Variants in LDLRAD3 observed in about 807,000 individuals in gnomAD.
The protein encoded by LDLRAD3 is low density lipoprotein receptor class A domain containing 3.
LDLRAD3 carries 20 observed loss-of-function variants against 29.4 expected under a neutral mutation model. The ratio of observed to expected loss-of-function variants is 0.68; its 90% CI spans 0.48 to 0.99. The LOEUF (loss-of-function observed/expected upper bound fraction) is 0.99, where lower values mean the gene tolerates loss of function less well. LDLRAD3 is among the 50% of genes least tolerant of loss of function. The pLI is 0.00. For synonymous variants in LDLRAD3, 157 were observed against 192.7 expected, an observed-to-expected ratio of 0.81 and a Z score of 1.53; for missense variants, 420 against 454.3, an observed-to-expected ratio of 0.92 and a Z score of 0.69.
intron 2 of LDLRAD3, among the ~76,000 whole-genome samples, chr11:36,074,095 C>T (rs534708938): frequency 1.2e-4 from 18 of 152,298 alleles, no homozygotes; most frequent in East Asian, 9.6e-4. Context: ...CCATGTTCTC[C>T]GGCCTCACTC....
rs1278218201 is a variant in LDLRAD3 at position 36,098,215 on chromosome 11, A to C, written c.320-112A>C. ...TGGGCTTTGAGTCTGCCAGCTTAGA[A>C]GATAAGCTTACTGCTTCCTGAGCGG... On this transcript the variant is annotated intron_variant, in intron 3 of 5. Transcript: ENST00000315571. The C allele has an allele frequency of 4.6e-6, 6 of 1,293,250 alleles. No homozygotes were observed. The Admixed American group carries it at 1.2e-4, about 25-fold the overall frequency. 80.1% of individuals were successfully genotyped at this position (1,293,250 alleles called of 1,614,324 possible).
chr11:35,984,233 G>A (rs1051224821), intron 1 of LDLRAD3, among the ~76,000 whole-genome samples: 1 of 152,092 alleles, frequency 6.6e-6, no homozygotes, highest in Non-Finnish European at 1.5e-5. Flanking sequence ...CAGTGTTTAT[G>A]TTTATGGGGA....
intron 4 of LDLRAD3, among the ~76,000 whole-genome samples, chr11:36,192,248 G>A (rs184290808): frequency 3.9e-5 from 6 of 152,288 alleles, no homozygotes; most frequent in African/African-American, 9.6e-5. Context: ...CACTTTAAAC[G>A]TGAGCTATCA....
chr11:36,053,272 T>C (rs1852555284), intron 2 of LDLRAD3, among the ~76,000 whole-genome samples: 1 of 152,166 alleles, frequency 6.6e-6, no homozygotes, highest in Non-Finnish European at 1.5e-5. Flanking sequence ...CATTTTGACA[T>C]CTGTGATTCC....
intron 1 of LDLRAD3, among the ~76,000 whole-genome samples, chr11:35,993,563 C>T (rs1232674240): frequency 2.0e-5 from 3 of 150,262 alleles, no homozygotes; most frequent in Admixed American, 6.7e-5. Context: ...AAAAGACATA[C>T]AAGTCATTAG....
intron 4 of LDLRAD3, among the ~76,000 whole-genome samples, chr11:36,208,598 T>A (rs1007616611): frequency 2.6e-5 from 4 of 152,248 alleles, no homozygotes; most frequent in Non-Finnish European, 5.9e-5. Context: ...GCAGTACTTG[T>A]ATTTTGGAGG....
At chr11:36,216,274 G>T (rs1855351866) in intron 4 of LDLRAD3, among the ~76,000 whole-genome samples, 2 of 152,186 alleles carry the variant, frequency 1.3e-5, no homozygotes, top group Non-Finnish European at 2.9e-5. Flanking sequence ...TTTGTGAGAA[G>T]ATATCTTCTA....
At chr11:36,008,249 A>G (rs969440491) in intron 1 of LDLRAD3, among the ~76,000 whole-genome samples, 14 of 152,076 alleles carry the variant, frequency 9.2e-5, no homozygotes, top group African/African-American at 3.4e-4. Context: ...AAAATCCTAT[A>G]TTTTTTCAAA....
chr11:36,076,834 C>G (rs1454721550), intron 2 of LDLRAD3, among the ~76,000 whole-genome samples: 1 of 152,102 alleles, frequency 6.6e-6, no homozygotes, highest in Non-Finnish European at 1.5e-5. Flanking sequence ...AACTAGTGTA[C>G]AGTATTGTAG....
Position 36,030,932 on chromosome 11 carries a change from T to C in LDLRAD3, c.47-5171T>C, listed in dbSNP as rs139251561. 9.2e-4 allele frequency among the ~76,000 whole-genome samples: 140 copies of C among 152,260 alleles called. 1 individual carries two copies. The highest frequency in any genetic ancestry group is 3.2e-3 in the African/African-American group (131 of 41,542). ...CACTAACTGCATGTTCTGGAGTAAT[T>C]TGAGTGGAATGCAGCAGCTGTCTGA... On this transcript the variant is annotated intron_variant, in intron 1 of 5. Coordinates refer to ENST00000315571, the MANE Select transcript of LDLRAD3 (RefSeq NM_174902.4).
At chr11:36,118,519 G>GAA (rs1426159668) in intron 4 of LDLRAD3, among the ~76,000 whole-genome samples, 1 of 151,454 alleles carries the variant, frequency 6.6e-6, no homozygotes, top group Admixed American at 6.6e-5. Flanking sequence ...GTGTGAGAGA[G>GAA]AGAGAGAGAA....
chr11:36,119,140 C>A (rs1332083016), intron 4 of LDLRAD3, among the ~76,000 whole-genome samples: 4 of 152,112 alleles, frequency 2.6e-5, no homozygotes, highest in Middle Eastern at 3.2e-3. Flanking sequence ...CCGTAATTTT[C>A]TTGATATCCA....
In LDLRAD3 at chr11:36,230,546, C is replaced by G. The variant is rs1855561810; in HGVS notation, c.*1149C>G. On this transcript the variant is annotated 3_prime_UTR_variant, in exon 6 of 6. Transcript: ENST00000315571. ...CAGCACCTCTAGTTAGAGTTAGGGT[C>G]AGGGTCAGGCCTCTCCCAACATCCC... 6.5e-6 allele frequency: 1 copy of G among 152,704 alleles called. No homozygotes were observed. The highest frequency in any genetic ancestry group is 2.4e-5 in the African/African-American group (1 of 41,448). 9.5% of individuals were successfully genotyped at this position (152,704 alleles called of 1,614,324 possible). A position where few individuals can be genotyped will look rare whatever the true frequency, so the allele number is the denominator to read the frequency against.
chr11:36,030,280 G>C (rs997959632), intron 1 of LDLRAD3, among the ~76,000 whole-genome samples: 13 of 152,194 alleles, frequency 8.5e-5, no homozygotes, highest in African/African-American at 3.1e-4. Flanking sequence ...GAACCGAATG[G>C]GAAGTGCACA....
At chr11:36,099,344 G>C (rs1228226110) in intron 4 of LDLRAD3, among the ~76,000 whole-genome samples, 1 of 152,086 alleles carries the variant, frequency 6.6e-6, no homozygotes, top group Non-Finnish European at 1.5e-5. Context: ...GAAATACTAA[G>C]ATTTAAAATG....
In LDLRAD3 at chr11:35,984,804, A is replaced by G. The variant is rs142968652; in HGVS notation, c.46+40660A>G. On this transcript the variant is annotated intron_variant, in intron 1 of 5. Coordinates refer to ENST00000315571, the MANE Select transcript of LDLRAD3 (RefSeq NM_174902.4). ...GCATCACCACGCCTGGCTAATTTGT[A>G]TTTTTAGTAGAGACGGGGTTTCTCC... 4.1e-3 allele frequency among the ~76,000 whole-genome samples: 623 copies of G among 151,282 alleles called. 3 individuals are homozygous for G. Among genetic ancestry groups the G allele is most frequent in the African/African-American group, 0.014 (565 of 41,138 alleles).
At chr11:36,227,980 G>GTTC (rs1260772487) in intron 5 of LDLRAD3, among the ~76,000 whole-genome samples, 2 of 152,342 alleles carry the variant, frequency 1.3e-5, no homozygotes, top group East Asian at 3.9e-4. Flanking sequence ...AAATAAAGGA[G>GTTC]GTGGAAAGGA....
intron 2 of LDLRAD3, among the ~76,000 whole-genome samples, chr11:36,056,154 C>T (rs1010000994): frequency 6.6e-6 from 1 of 151,960 alleles, no homozygotes; most frequent in African/African-American, 2.4e-5. Flanking sequence ...CGCCACTACG[C>T]CCGGCTAATT....
chr11:36,123,929 A>G (rs944113011), intron 4 of LDLRAD3, among the ~76,000 whole-genome samples: 1 of 152,254 alleles, frequency 6.6e-6, no homozygotes, highest in African/African-American at 2.4e-5. Context: ...TTAACTCAAA[A>G]TTACCGTAAG....
Sources: allele counts gnomAD v4.1 joint callset (sites outside exome capture counted in the v4.1 genomes callset), GRCh38; gene constraint gnomAD v4.1.1; transcripts MANE v1.5; gene names NCBI Gene and HGNC (gene_info 2026-07-23, HGNC 2026-07-21).